The following ARB2A variants were observed in gnomAD, a reference collection of about 807,000 sequenced individuals.
The protein encoded by ARB2A is cotranscriptional regulator ARB2A.
chr5:94,046,490 G>T, the ARB2A span, among the ~76,000 whole-genome samples: 1 of 152,116 alleles, frequency 6.6e-6, no homozygotes. Flanking sequence ...CACCAGGAGG[G>T]CATGTGGAAA....
the ARB2A span, among the ~76,000 whole-genome samples, chr5:94,077,685 C>A: frequency 3.3e-5 from 5 of 152,144 alleles, no homozygotes; most frequent in African/African-American, 1.2e-4. Flanking sequence ...ATGCACTCGA[C>A]ATAGTTTATT....
chr5:94,004,650 G>T, the ARB2A span, among the ~76,000 whole-genome samples: 1 of 151,762 alleles, frequency 6.6e-6, no homozygotes, highest in Non-Finnish European at 1.5e-5. Flanking sequence ...CAAGTTATAG[G>T]CTGGGAGAAT....
chr5:94,061,466 C>G, the ARB2A span, among the ~76,000 whole-genome samples: 1 of 152,040 alleles, frequency 6.6e-6, no homozygotes, highest in Non-Finnish European at 1.5e-5. Context: ...CAACACAGGC[C>G]ACAAAGAAAA....
At chr5:93,730,114 A>G in the ARB2A span, among the ~76,000 whole-genome samples, 1 of 152,174 alleles carries the variant, frequency 6.6e-6, no homozygotes, top group African/African-American at 2.4e-5. Flanking sequence ...TTTTTTATGG[A>G]GCATGCCATT....
chr5:93,945,127 A>G, the ARB2A span, among the ~76,000 whole-genome samples: 4 of 152,234 alleles, frequency 2.6e-5, no homozygotes, highest in Non-Finnish European at 5.9e-5. Flanking sequence ...TGTAAGAGAC[A>G]AGAGATTTTT....
the ARB2A span, among the ~76,000 whole-genome samples, chr5:93,757,498 A>T: frequency 6.6e-6 from 1 of 152,222 alleles, no homozygotes; most frequent in Non-Finnish European, 1.5e-5. Context: ...GGTAACCTAT[A>T]AAGAAAAACC....
the ARB2A span, among the ~76,000 whole-genome samples, chr5:93,975,129 A>G: frequency 6.6e-6 from 1 of 151,974 alleles, no homozygotes; most frequent in Non-Finnish European, 1.5e-5. Flanking sequence ...CCTGGCTAAC[A>G]TGGTGAAACT....
At chr5:93,709,264 A>G in the ARB2A span, among the ~76,000 whole-genome samples, 1 of 152,098 alleles carries the variant, frequency 6.6e-6, no homozygotes, top group South Asian at 2.1e-4. Flanking sequence ...AGATTTTTTT[A>G]CCCCATGGTT....
chr5:93,788,316 G>A, the ARB2A span, among the ~76,000 whole-genome samples: 16 of 152,168 alleles, frequency 1.1e-4, no homozygotes, highest in African/African-American at 3.4e-4. Flanking sequence ...GTATTCATTC[G>A]GTGAGATGAA....
At chr5:93,634,158 T>G in the ARB2A span, among the ~76,000 whole-genome samples, 1 of 151,878 alleles carries the variant, frequency 6.6e-6, no homozygotes, top group East Asian at 2.0e-4. Flanking sequence ...ATCCCAGGAC[T>G]TTGGGAAGCT....
the ARB2A span, among the ~76,000 whole-genome samples, chr5:93,916,911 A>G: frequency 1.3e-5 from 2 of 152,174 alleles, no homozygotes; most frequent in Non-Finnish European, 2.9e-5. Context: ...TTTTACAAAG[A>G]AAAGTATAAA....
the ARB2A span, among the ~76,000 whole-genome samples, chr5:93,898,912 A>G: frequency 9.9e-5 from 15 of 152,108 alleles, no homozygotes; most frequent in African/African-American, 3.4e-4. Context: ...AACCCTGCAG[A>G]CAGATATTGT....
chr5:93,843,101 G>C, the ARB2A span, among the ~76,000 whole-genome samples: 2,424 of 152,270 alleles, frequency 0.016, 44 homozygotes, highest in South Asian at 0.071. Flanking sequence ...TAAAGATATA[G>C]ATGGGTGGGA....
the ARB2A span, among the ~76,000 whole-genome samples, chr5:94,035,770 A>G: frequency 6.6e-6 from 1 of 152,160 alleles, no homozygotes; most frequent in Admixed American, 6.5e-5. Context: ...AAAACCAAAC[A>G]CCGCATGTTC....
chr5:94,023,179 G>A, the ARB2A span, among the ~76,000 whole-genome samples: 1 of 152,296 alleles, frequency 6.6e-6, no homozygotes, highest in South Asian at 2.1e-4. Flanking sequence ...ACCATTGTAT[G>A]CAGCTATAAT....
the ARB2A span, among the ~76,000 whole-genome samples, chr5:93,873,998 C>G: frequency 0.9 from 137,330 of 152,174 alleles, 62,451 homozygotes; most frequent in East Asian, 1. Context: ...AATTCATTTT[C>G]GGGGGAATAT....
the ARB2A span, among the ~76,000 whole-genome samples, chr5:94,037,199 C>A: frequency 1.3e-5 from 2 of 152,110 alleles, no homozygotes; most frequent in Non-Finnish European, 2.9e-5. Context: ...ACCACAAAAA[C>A]ATGGAAAATT....
the ARB2A span, among the ~76,000 whole-genome samples, chr5:93,673,141 TTTTATAGATAGCCAACAGAA>T: frequency 2.6e-5 from 4 of 152,234 alleles, no homozygotes; most frequent in Non-Finnish European, 5.9e-5. Flanking sequence ...ACACTGTAGA[TTTTATAGATAGCCAACAGAA>T]TCTACATTTC....
the ARB2A span, among the ~76,000 whole-genome samples, chr5:94,074,203 G>T: frequency 6.6e-6 from 1 of 151,980 alleles, no homozygotes; most frequent in East Asian, 1.9e-4. Flanking sequence ...CCATAACAAT[G>T]TCTAACGCAG....
Sources: allele counts gnomAD v4.1 joint callset (sites outside exome capture counted in the v4.1 genomes callset), GRCh38; gene constraint gnomAD v4.1.1; transcripts MANE v1.5; gene names NCBI Gene and HGNC (gene_info 2026-07-23, HGNC 2026-07-21).